The following EDNRB variants were observed in gnomAD, a reference collection of about 807,000 sequenced individuals.
The protein encoded by EDNRB is endothelin receptor type B.
EDNRB carries 18 observed loss-of-function variants against 46.4 expected under a neutral mutation model. The observed-to-expected ratio is 0.39, with a 90% CI of 0.27 to 0.57. The LOEUF (loss-of-function observed/expected upper bound fraction) is 0.57, where lower values mean the gene tolerates loss of function less well. EDNRB is among the 20% of genes least tolerant of loss of function. The pLI, the probability that EDNRB is intolerant of heterozygous loss-of-function variation, is 0.61. For missense variants in EDNRB, 434 were observed against 537.5 expected, an observed-to-expected ratio of 0.81 and a Z score of 1.90; for synonymous variants, 213 against 204.9, an observed-to-expected ratio of 1.04 and a Z score of -0.34.
At chr13:77,906,185 T>A (rs950847885) in intron 1 of EDNRB, among the ~76,000 whole-genome samples, 1 of 151,788 alleles carries the variant, frequency 6.6e-6, no homozygotes, top group Non-Finnish European at 1.5e-5. Context: ...AGGTTTACCA[T>A]GTGCATGGTG....
At chr13:77,935,510 A>G (rs1594384057) in intron 1 of EDNRB, among the ~76,000 whole-genome samples, 1 of 152,346 alleles carries the variant, frequency 6.6e-6, no homozygotes. Context: ...CTAAAGTCGA[A>G]AGTATCTAAC....
At chr13:77,934,146 C>T (rs373121539) in intron 1 of EDNRB, among the ~76,000 whole-genome samples, 8 of 152,184 alleles carry the variant, frequency 5.3e-5, no homozygotes, top group East Asian at 1.9e-4. Context: ...GGCATGTATG[C>T]GTAGTTGAGA....
At chr13:77,930,115 T>A (rs564741692) in intron 1 of EDNRB, among the ~76,000 whole-genome samples, 2 of 152,292 alleles carry the variant, frequency 1.3e-5, no homozygotes, top group East Asian at 3.9e-4. Context: ...TTGCCTTTTT[T>A]TTTGATGATC....
chr13:77,955,741 T>C (rs987752890), intron 1 of EDNRB, among the ~76,000 whole-genome samples: 2 of 152,160 alleles, frequency 1.3e-5, no homozygotes, highest in Non-Finnish European at 2.9e-5. Context: ...CCTTTCCCTA[T>C]TGTACATTCT....
intron 1 of EDNRB, among the ~76,000 whole-genome samples, chr13:77,958,749 A>G (rs2329054): frequency 6.6e-6 from 1 of 152,244 alleles, no homozygotes; most frequent in South Asian, 2.1e-4. Flanking sequence ...GATCTAAAGA[A>G]GTTCTGCTAA....
At position 77,895,909 on chromosome 13, in the gene EDNRB, T is replaced by C. The variant is rs537279543; in HGVS notation, c.*2291A>G. On this transcript the variant is annotated 3_prime_UTR_variant, in exon 7 of 7. Coordinates refer to ENST00000646607, the MANE Select transcript of EDNRB (RefSeq NM_001122659.3). ...AGGGAGAAAATAGGTTAAAATCTTT[T>C]ATAAATCTTTTGAGCTGTAACATCC... The C allele has an allele frequency of 2.0e-5, 3 of 152,698 alleles. No individual in the cohort carries two copies. The highest frequency in any genetic ancestry group is 7.2e-5 in the African/African-American group (3 of 41,572). 9.5% of individuals were successfully genotyped at this position (152,698 alleles called of 1,614,324 possible). A position where few individuals can be genotyped will look rare whatever the true frequency, so the allele number is the denominator to read the frequency against.
chr13:77,941,690 T>A (rs1396898426), intron 1 of EDNRB, among the ~76,000 whole-genome samples: 1 of 31,408 alleles, frequency 3.2e-5, no homozygotes. Flanking sequence ...GGATGAGGAG[T>A]GGTGGTGATG....
intron 1 of EDNRB, among the ~76,000 whole-genome samples, chr13:77,953,969 A>G (rs1280562844): frequency 6.6e-6 from 1 of 152,198 alleles, no homozygotes; most frequent in South Asian, 2.1e-4. Flanking sequence ...GGAGAATTTT[A>G]TATGTACATA....
At chr13:77,947,021 T>C (rs1880941441) in intron 1 of EDNRB, among the ~76,000 whole-genome samples, 1 of 152,212 alleles carries the variant, frequency 6.6e-6, no homozygotes, top group Non-Finnish European at 1.5e-5. Context: ...TCAAAAGCCT[T>C]AGCCTAATTA....
intron 1 of EDNRB, among the ~76,000 whole-genome samples, chr13:77,928,597 G>A (rs1880304069): frequency 6.6e-6 from 1 of 152,122 alleles, no homozygotes; most frequent in South Asian, 2.1e-4. Context: ...ACACATTTAA[G>A]TTTTTTAATC....
At chr13:77,907,497 A>G (rs556377325) in intron 1 of EDNRB, among the ~76,000 whole-genome samples, 33 of 151,888 alleles carry the variant, frequency 2.2e-4, no homozygotes, top group African/African-American at 7.7e-4. Context: ...CTCATTATCT[A>G]TTTATCTGTC....
intron 1 of EDNRB, among the ~76,000 whole-genome samples, chr13:77,944,612 G>A (rs1880850602): frequency 6.6e-6 from 1 of 152,126 alleles, no homozygotes; most frequent in Non-Finnish European, 1.5e-5. Context: ...CGTACATAAA[G>A]AGCTGTATAG....
intron 1 of EDNRB, among the ~76,000 whole-genome samples, chr13:77,956,677 G>A (rs1375057276): frequency 6.6e-6 from 1 of 152,164 alleles, no homozygotes; most frequent in Non-Finnish European, 1.5e-5. Context: ...AGGTCTTACT[G>A]GGCTAAAATC....
chr13:77,931,501 G>A (rs1168669578), intron 1 of EDNRB, among the ~76,000 whole-genome samples: 2 of 152,070 alleles, frequency 1.3e-5, no homozygotes, highest in Non-Finnish European at 2.9e-5. Context: ...CTTCTCTGAG[G>A]TGGTTTTGTT....
chr13:77,934,846 T>C (rs148235670), intron 1 of EDNRB, among the ~76,000 whole-genome samples: 2,225 of 152,146 alleles, frequency 0.015, 45 homozygotes, highest in East Asian at 0.025. Flanking sequence ...TGGTGTGTGG[T>C]GATTATGCCT....
intron 1 of EDNRB, chr13:77,940,026 A>AT (rs1880697866): frequency 1.3e-5 from 2 of 148,218 alleles, no homozygotes; most frequent in Non-Finnish European, 3.0e-5. Flanking sequence ...AAATAAATAA[A>AT]ATAAAAATAA....
chr13:77,965,570 C>A (rs533390373), intron 1 of EDNRB, among the ~76,000 whole-genome samples: 2 of 152,066 alleles, frequency 1.3e-5, no homozygotes, highest in Non-Finnish European at 2.9e-5. Flanking sequence ...TTTAATTGGT[C>A]TTGGAGGTTC....
At chr13:77,961,845 G>A (rs147059878) in intron 1 of EDNRB, among the ~76,000 whole-genome samples, 2 of 152,068 alleles carry the variant, frequency 1.3e-5, no homozygotes, top group African/African-American at 4.8e-5. Flanking sequence ...CCAGGAGCTG[G>A]TTTTTTGAAA....
intron 1 of EDNRB, among the ~76,000 whole-genome samples, chr13:77,941,736 T>C (rs1880755049): frequency 6.6e-6 from 1 of 152,206 alleles, no homozygotes; most frequent in Non-Finnish European, 1.5e-5. Flanking sequence ...ACAGGGACAG[T>C]TGTTTTATAT....
Sources: allele counts gnomAD v4.1 joint callset (sites outside exome capture counted in the v4.1 genomes callset), GRCh38; gene constraint gnomAD v4.1.1; transcripts MANE v1.5; gene names NCBI Gene and HGNC (gene_info 2026-07-23, HGNC 2026-07-21).